NKAIN1: variants seen among roughly 807,000 people sequenced by gnomAD.
The protein encoded by NKAIN1 is sodium/potassium-transporting ATPase subunit beta-1-interacting protein 1.
A neutral mutation model predicts 31.6 loss-of-function variants in NKAIN1; 13 were observed. That is an observed-to-expected ratio of 0.41 (90% CI 0.27 to 0.65). The LOEUF is 0.65. NKAIN1 is among the 30% of genes least tolerant of loss of function. The probability of loss-of-function intolerance (pLI) is 0.30; values close to 1 mark genes in which losing one functional copy is unlikely to be tolerated. For synonymous variants in NKAIN1, 104 were observed against 109.0 expected (o/e 0.95, Z 0.28); for missense variants, 193 against 262.2 (o/e 0.74, Z 1.82).
In NKAIN1 at chr1:31,212,402, C is replaced by CT. The variant is rs1168039154; in HGVS notation, c.55-24216dup. Among the ~76,000 whole-genome samples the CT allele has an allele frequency of 5.8e-3, 353 of 61,094 alleles. 1 individual carries two copies. The highest frequency in any genetic ancestry group is 0.013 in the African/African-American group (319 of 24,342). The allele number at this position is 61,094 out of a possible 152,430, so 40.1% of individuals were successfully genotyped here. A position where few individuals can be genotyped will look rare whatever the true frequency, so the allele number is the denominator to read the frequency against. On this transcript the variant is annotated intron_variant, in intron 1 of 6. Coordinates refer to ENST00000373736, the MANE Select transcript of NKAIN1 (RefSeq NM_024522.3). ...ATTACTCTGGATTAGGTAATAGTTT[C>CT]TTTTTTTTTTTTTTTTTTAGGAGAC...
chr1:31,212,702 G>A (rs1397780106), intron 1 of NKAIN1, among the ~76,000 whole-genome samples: 1 of 149,206 alleles, frequency 6.7e-6, no homozygotes, highest in South Asian at 2.3e-4. Flanking sequence ...ACCGCACCCA[G>A]CCATAAAAAT....
chr1:31,210,289 T>C (rs1177598526), intron 1 of NKAIN1, among the ~76,000 whole-genome samples: 2 of 98,158 alleles, frequency 2.0e-5, no homozygotes, highest in Non-Finnish European at 4.4e-5. Context: ...GTTTTTGCCA[T>C]TCTTTTTTTT....
intron 1 of NKAIN1, among the ~76,000 whole-genome samples, chr1:31,204,028 T>G (rs759567410): frequency 2.6e-5 from 4 of 152,014 alleles, no homozygotes; most frequent in Non-Finnish European, 5.9e-5. Context: ...CCTGAGACCA[T>G]GGGGTTTCTT....
Position 31,182,533 on chromosome 1 carries a change from T to A in NKAIN1, c.529A>T (p.Ser177Cys). 3 of 1,614,108 alleles carry A rather than the reference T, an allele frequency of 1.9e-6. No homozygotes were observed. The highest frequency in any genetic ancestry group is 1.7e-6 in the Non-Finnish European group (2 of 1,179,988). ...TCCCCAGGGGCGCCTTACTCACAGC[T>A]GTCCTCCTCCTCCAGGAACACTTTG... ...VSKVFLEEED[S>C]FDFIGGFDSY... The change falls in exon 5 of 7, where the codon AGC (serine) becomes TGC (cysteine). Residue 177 changes from serine to cysteine, a missense_variant. By Grantham distance (112) the Ser-to-Cys change is moderately radical (BLOSUM62 -1). Transcript: ENST00000373736.
rs1645260587 is a variant in NKAIN1 at position 31,188,298 on chromosome 1, A to G, written c.55-111T>C. 17 of 1,214,990 alleles carry G rather than the reference A, an allele frequency of 1.4e-5. 1 individual carries two copies. In the South Asian group the frequency reaches 1.8e-4, roughly 13 times the overall value. The allele number at this position is 1,214,990 out of a possible 1,614,324, so 75.3% of individuals were successfully genotyped here. On this transcript the variant is annotated intron_variant, in intron 1 of 6. Coordinates refer to ENST00000373736, the MANE Select transcript of NKAIN1 (RefSeq NM_024522.3). ...ACCAGTTACCATGGTGATGAGGCAT[A>G]AGCCTCAGAACAATCCAGTCCTTCA...
intron 1 of NKAIN1, among the ~76,000 whole-genome samples, chr1:31,231,696 A>AC (rs1645650038): frequency 5.6e-4 from 3 of 5,328 alleles, no homozygotes; most frequent in Non-Finnish European, 2.9e-3. Flanking sequence ...ACGCCCGGCT[A>AC]ATTTTTTGTA....
intron 1 of NKAIN1, among the ~76,000 whole-genome samples, chr1:31,230,159 C>T (rs1010274325): frequency 6.6e-6 from 1 of 152,182 alleles, no homozygotes; most frequent in African/African-American, 2.4e-5. Flanking sequence ...CCACAGTACT[C>T]GGATTGCAGA....
rs75167230 is a variant in NKAIN1 at position 31,230,566 on chromosome 1, C to G, written c.54+8928G>C. Among the ~76,000 whole-genome samples, 1,007 of 152,296 alleles carry G rather than the reference C, an allele frequency of 6.6e-3. 61 individuals are homozygous for G. The East Asian group carries it at 0.13, about 19-fold the overall frequency. On this transcript the variant is annotated intron_variant, in intron 1 of 6. Transcript: ENST00000373736. ...GCCTCTAGGGGAAGTTTGCTTTGCT[C>G]TCTGAAGCTCTCCCTCATCTGTGAA... is the stretch of plus-strand genomic sequence containing the variant.
chr1:31,192,480 C>T (rs915996317), intron 1 of NKAIN1, among the ~76,000 whole-genome samples: 13 of 152,114 alleles, frequency 8.5e-5, no homozygotes, highest in Admixed American at 4.6e-4. Flanking sequence ...CAGTACAAAC[C>T]GGGGTATTCA....
chr1:31,227,427 G>C (rs951599839), intron 1 of NKAIN1, among the ~76,000 whole-genome samples: 6 of 152,236 alleles, frequency 3.9e-5, no homozygotes, highest in African/African-American at 1.4e-4. Flanking sequence ...ACTGCTCTCA[G>C]CCTCAGATTC....
At chr1:31,195,822 G>A (rs954318279) in intron 1 of NKAIN1, among the ~76,000 whole-genome samples, 9 of 151,220 alleles carry the variant, frequency 6.0e-5, no homozygotes, top group African/African-American at 2.2e-4. Flanking sequence ...CTACTTGAGA[G>A]GCTGAGGTGG....
intron 1 of NKAIN1, among the ~76,000 whole-genome samples, chr1:31,237,221 G>A (rs1007012): frequency 0.55 from 83,344 of 152,094 alleles, 23,807 homozygotes; most frequent in Non-Finnish European, 0.63. Context: ...ACTGCACTCT[G>A]TCCTGGATGA....
At chr1:31,200,017 A>ACACACATG (rs1476666483) in intron 1 of NKAIN1, among the ~76,000 whole-genome samples, 8 of 76,538 alleles carry the variant, frequency 1.0e-4, no homozygotes, top group African/African-American at 2.7e-4. Context: ...ACACATGCAC[A>ACACACATG]CACACACGCA....
At chr1:31,226,594 G>C (rs572108044) in intron 1 of NKAIN1, among the ~76,000 whole-genome samples, 5 of 150,224 alleles carry the variant, frequency 3.3e-5, no homozygotes, top group African/African-American at 1.2e-4. Flanking sequence ...GCACAATCCC[G>C]GTTTACTGCA....
At chr1:31,215,783 C>G (rs10798832) in intron 1 of NKAIN1, among the ~76,000 whole-genome samples, 77,435 of 151,966 alleles carry the variant, frequency 0.51, 21,111 homozygotes, top group East Asian at 0.77. Flanking sequence ...GTGCATCTCT[C>G]ACGAGTTACC....
At chr1:31,197,798 T>C (rs1645342781) in intron 1 of NKAIN1, among the ~76,000 whole-genome samples, 1 of 152,134 alleles carries the variant, frequency 6.6e-6, no homozygotes, top group Non-Finnish European at 1.5e-5. Flanking sequence ...CTGCCCACCG[T>C]GGCCTCCCAA....
chr1:31,211,193 C>T (rs1645466243), intron 1 of NKAIN1, among the ~76,000 whole-genome samples: 1 of 152,160 alleles, frequency 6.6e-6, no homozygotes, highest in South Asian at 2.1e-4. Context: ...AAGGCATCCA[C>T]ACTGGAAAAG....
intron 1 of NKAIN1, among the ~76,000 whole-genome samples, chr1:31,232,410 T>C (rs1194702948): frequency 3.0e-5 from 1 of 33,218 alleles, no homozygotes; most frequent in African/African-American, 8.6e-5. Flanking sequence ...TATATATATA[T>C]ATATATATAT....
intron 2 of NKAIN1, among the ~76,000 whole-genome samples, chr1:31,186,416 TTA>T (rs1291992023): frequency 5.4e-5 from 8 of 149,160 alleles, no homozygotes; most frequent in African/African-American, 2.0e-4. Context: ...TTTTTTTTTT[TTA>T]AGACAAGATT....
Sources: allele counts gnomAD v4.1 joint callset (sites outside exome capture counted in the v4.1 genomes callset), GRCh38; gene constraint gnomAD v4.1.1; transcripts MANE v1.5; gene names NCBI Gene and HGNC (gene_info 2026-07-23, HGNC 2026-07-21).